Variants in RAD9A observed in about 807,000 individuals in gnomAD.
The protein encoded by RAD9A is RAD9 checkpoint clamp component A.
A neutral mutation model predicts 41.2 loss-of-function variants in RAD9A; 25 were observed. The ratio of observed to expected loss-of-function variants is 0.61; its 90% CI spans 0.44 to 0.85. The LOEUF (loss-of-function observed/expected upper bound fraction) is 0.85, where lower values mean the gene tolerates loss of function less well. RAD9A is among the 40% of genes least tolerant of loss of function. The pLI is 0.00. For missense variants in RAD9A, 514 were observed against 518.3 expected (o/e 0.99, Z 0.08); for synonymous variants, 252 against 210.6 (o/e 1.20, Z -1.70).
At chr11:67,395,361 G>A (rs1010711770) in intron 5 of RAD9A, 29 of 267,822 alleles carry the variant, frequency 1.1e-4, no homozygotes, top group Admixed American at 2.5e-4. Context: ...CGCAGCTCCC[G>A]TCCCCACTTG....
chr11:67,397,563 A>G lies in RAD9A; in HGVS notation c.*4A>G, dbSNP rs1862751199. On this transcript the variant is annotated 3_prime_UTR_variant, in exon 11 of 11. Coordinates refer to ENST00000307980, the MANE Select transcript of RAD9A (RefSeq NM_004584.3). ...AGACAGTGAGGGTGAAGGCTGAACC[A>G]AGAACCTGAAGCCTGTACCCAGAGG... is the stretch of plus-strand genomic sequence containing the variant. 8 of 1,590,246 alleles carry G rather than the reference A, an allele frequency of 5.0e-6. No individual in the cohort carries two copies. The highest frequency in any genetic ancestry group is 6.9e-6 in the Non-Finnish European group (8 of 1,160,806).
chr11:67,392,145 G>T lies in RAD9A; in HGVS notation c.35-16G>T. 6.2e-7 allele frequency: 1 copy of T among 1,611,476 alleles called. No individual in the cohort carries two copies. ...GGAGCCGCCAGCCTAACCCCCTTCC[G>T]CTCTTCTCCCCGCAGTGCTCGGCAA... On this transcript the variant is annotated splice_polypyrimidine_tract_variant and intron_variant, in intron 1 of 10. Transcript: ENST00000307980.
At chr11:67,394,507 G>T (rs1862622911) in intron 5 of RAD9A, among the ~76,000 whole-genome samples, 1 of 152,190 alleles carries the variant, frequency 6.6e-6, no homozygotes, top group Non-Finnish European at 1.5e-5. Flanking sequence ...GGTGACTGAA[G>T]ATCCCTTTGG....
At position 67,392,078 on chromosome 11, in the gene RAD9A, G is replaced by T; in HGVS notation, c.34G>T (p.Val12Leu). 6.3e-7 allele frequency: 1 copy of T among 1,594,476 alleles called. No individual in the cohort carries two copies. Among genetic ancestry groups the T allele is most frequent in the Non-Finnish European group, 8.5e-7 (1 of 1,171,984 alleles). ...CCTGGTCACGGGCGGCAACGTGAAG[G>T]GTGAGTGCAGGTCGGCCTGGCAGCG... ...KCLVTGGNVK[V>L]LGKAVHSLSR... Residue 12 changes from valine (V) to leucine (L), a missense_variant and splice_region_variant, in exon 1 of 11, where the codon GTG becomes TTG. Val to Leu is a conservative substitution (Grantham distance 32, BLOSUM62 1). Coordinates refer to ENST00000307980, the MANE Select transcript of RAD9A (RefSeq NM_004584.3).
chr11:67,393,824 GTC>G lies in RAD9A; in HGVS notation c.449+42_449+43del, dbSNP rs757841689. On this transcript the variant is annotated intron_variant, in intron 5 of 10. Transcript: ENST00000307980. ...ACCCCTGCCCTCAGCTCAGCCCCGG[GTC>G]TCTCTCTTCCTTCTTTGGGGCCCCA... The G allele has an allele frequency of 5.3e-6, 8 of 1,515,096 alleles. No individual in the cohort carries two copies. The South Asian group carries it at 8.6e-5, about 16-fold the overall frequency. 93.9% of individuals were successfully genotyped at this position (1,515,096 alleles called of 1,614,324 possible). A position where few individuals can be genotyped will look rare whatever the true frequency, so the allele number is the denominator to read the frequency against.
intron 10 of RAD9A, 25 bp downstream of exon 10, chr11:67,397,411 G>A: frequency 6.3e-7 from 1 of 1,589,064 alleles, no homozygotes; most frequent in Middle Eastern, 1.7e-4. Context: ...TGGAGGCAGG[G>A]GTGGGAGGTA....
chr11:67,394,121 A>C (rs1417193028), intron 5 of RAD9A, among the ~76,000 whole-genome samples: 1 of 152,152 alleles, frequency 6.6e-6, no homozygotes, highest in Non-Finnish European at 1.5e-5. Context: ...CCTGCCACCA[A>C]ATCTCTTGTC....
Position 67,397,707 on chromosome 11 carries a change from T to C in RAD9A, c.*148T>C. On this transcript the variant is annotated 3_prime_UTR_variant, in exon 11 of 11. Coordinates refer to ENST00000307980, the MANE Select transcript of RAD9A (RefSeq NM_004584.3). ...CTGCCTCTCGCAGGCCCCAGCTGGC[T>C]GTCACTGTAAAGCTGTCCCACAGCG... 2.7e-6 allele frequency: 2 copies of C among 744,258 alleles called. No individual in the cohort carries two copies. Among genetic ancestry groups the C allele is most frequent in the Non-Finnish European group, 4.3e-6 (2 of 465,068 alleles). The allele number at this position is 744,258 out of a possible 1,614,324, so 46.1% of individuals were successfully genotyped here. A position where few individuals can be genotyped will look rare whatever the true frequency, so the allele number is the denominator to read the frequency against.
chr11:67,393,439 A>G, intron 3 of RAD9A, 57 bp from the exon 4 acceptor site: 13 of 1,597,704 alleles, frequency 8.1e-6, no homozygotes, highest in Non-Finnish European at 1.1e-5. Flanking sequence ...CCTGCATGGG[A>G]CAGGAGAGCT....
At position 67,397,898 on chromosome 11, in the gene RAD9A, G is replaced by GA; in HGVS notation, c.*343dup. 1 of 291,734 alleles carries GA rather than the reference G, an allele frequency of 3.4e-6. No individual in the cohort carries two copies. The highest frequency in any genetic ancestry group is 6.4e-6 in the Non-Finnish European group (1 of 155,566). 18.1% of individuals were successfully genotyped at this position (291,734 alleles called of 1,614,324 possible). A position where few individuals can be genotyped will look rare whatever the true frequency, so the allele number is the denominator to read the frequency against. ...TCTCCCTCAGGCTCACCTTCCTAAG[G>GA]AAAATGTCATAGTAGGTGCTGCTGG... On this transcript the variant is annotated 3_prime_UTR_variant, in exon 11 of 11. Transcript: ENST00000307980.
chr11:67,398,143 C>G lies in RAD9A; in HGVS notation c.*584C>G, dbSNP rs1400702063. ...TCCCAAGCGGCTCTGTGCAGAAGAG[C>G]TGCCAGGCAGTGTCTTAGATGTGAG... On this transcript the variant is annotated 3_prime_UTR_variant, in exon 11 of 11. Coordinates refer to ENST00000307980, the MANE Select transcript of RAD9A (RefSeq NM_004584.3). 3.9e-6 allele frequency: 1 copy of G among 253,336 alleles called. No homozygotes were observed. The highest frequency in any genetic ancestry group is 7.7e-6 in the Non-Finnish European group (1 of 129,972). The allele number at this position is 253,336 out of a possible 1,614,324, so 15.7% of individuals were successfully genotyped here.
intron 3 of RAD9A, 178 bp downstream of exon 3, chr11:67,392,960 G>C: frequency 2.1e-6 from 2 of 964,196 alleles, no homozygotes; most frequent in African/African-American, 1.7e-5. Flanking sequence ...TGAGAGGGTG[G>C]TGACGCTCAA....
Position 67,396,332 on chromosome 11 carries a change from C to A in RAD9A, c.804C>A (p.Thr268=). ...GHFVLATLSD[T]DSHSQDLGSP... ...TTGTCTTGGCCACACTCTCAGACAC[C>A]GACTCGCACTCCCAGGACCTGGGCT... is the stretch of plus-strand genomic sequence containing the variant. The change falls in exon 9 of 11, where the codon ACC becomes ACA. Residue 268 remains threonine, a synonymous_variant. Coordinates refer to ENST00000307980, the MANE Select transcript of RAD9A (RefSeq NM_004584.3). The A allele has an allele frequency of 6.2e-7, 1 of 1,614,010 alleles. No homozygotes were observed. The highest frequency in any genetic ancestry group is 1.1e-5 in the South Asian group (1 of 91,076).
rs751752754 is a variant in RAD9A, at chr11:67,393,515, G to A, written c.254G>A (p.Arg85His). ...ILMKSFLSVF[R>H]SLAMLEKTVE... is the part of the protein sequence containing the mutation. ...ATGCAGTCTTTCCTGTCTGTCTTCCGCTCACTGGCGATGCTGGAGAAGACG... is the reference window on the plus strand; with the variant it reads ...ATGCAGTCTTTCCTGTCTGTCTTCCACTCACTGGCGATGCTGGAGAAGACG... The change falls in exon 4 of 11, where the codon CGC (arginine) becomes CAC (histidine). Residue 85 changes from arginine (R) to histidine (H), a missense_variant. Transcript: ENST00000307980. 4.3e-6 allele frequency: 7 copies of A among 1,614,116 alleles called. No homozygotes were observed. Among genetic ancestry groups the A allele is most frequent in the East Asian group, 2.2e-5 (1 of 44,868 alleles).
At position 67,392,225 on chromosome 11, in the gene RAD9A, G is replaced by A. The variant is rs1428837105; in HGVS notation, c.99G>A (p.Glu33=). ...ACGAGCTCTACCTGGAACCCTTGGA[G>A]GACGGGGTGAGGGGCTAGGGTGTGG... The part of the protein sequence containing the change: ...IGDELYLEPL[E]DGLSLRTVNS... Residue 33 remains glutamate (E), a synonymous_variant, in exon 2 of 11, where the codon GAG becomes GAA. Transcript: ENST00000307980. The A allele has an allele frequency of 1.2e-6, 2 of 1,604,590 alleles. No homozygotes were observed. The highest frequency in any genetic ancestry group is 1.7e-6 in the Non-Finnish European group (2 of 1,174,594).
In RAD9A at chr11:67,392,231, G is replaced by A. The variant is rs769824143; in HGVS notation, c.105G>A (p.Gly35=). The A allele has an allele frequency of 1.2e-6, 2 of 1,600,300 alleles. No individual in the cohort carries two copies. Among genetic ancestry groups the A allele is most frequent in the South Asian group, 1.1e-5 (1 of 90,066 alleles). The change falls in exon 2 of 11, where the codon GGG becomes GGA. Residue 35 remains glycine, a splice_region_variant and synonymous_variant. Coordinates refer to ENST00000307980, the MANE Select transcript of RAD9A (RefSeq NM_004584.3). ...TCTACCTGGAACCCTTGGAGGACGG[G>A]GTGAGGGGCTAGGGTGTGGGGGGCG... ...DELYLEPLED[G]LSLRTVNSSR...
chr11:67,392,239 G>C lies in RAD9A; in HGVS notation c.105+8G>C. On this transcript the variant is annotated splice_region_variant and intron_variant, in intron 2 of 10. Coordinates refer to ENST00000307980, the MANE Select transcript of RAD9A (RefSeq NM_004584.3). The stretch of plus-strand genomic sequence containing the variant: ...GAACCCTTGGAGGACGGGGTGAGGG[G>C]CTAGGGTGTGGGGGGCGGGTGGGAC... The C allele has an allele frequency of 7.3e-7, 1 of 1,361,970 alleles. No individual in the cohort carries two copies. Among genetic ancestry groups the C allele is most frequent in the Non-Finnish European group, 1.0e-6 (1 of 969,466 alleles). 84.4% of individuals were successfully genotyped at this position (1,361,970 alleles called of 1,614,324 possible).
intron 9 of RAD9A, among the ~76,000 whole-genome samples, chr11:67,396,711 G>A (rs1328825717): frequency 6.6e-6 from 1 of 152,210 alleles, no homozygotes; most frequent in Admixed American, 6.5e-5. Context: ...CTGCTGGGAG[G>A]CAGGAGCTGC....
chr11:67,392,908 A>G (rs1326465294), intron 3 of RAD9A, 126 bp downstream of exon 3: 3 of 1,290,372 alleles, frequency 2.3e-6, no homozygotes, highest in Non-Finnish European at 3.2e-6. Context: ...AATCCATGCA[A>G]AACACAGGGA....
Sources: gnomAD v4.1 joint callset for allele counts (sites outside exome capture counted in the v4.1 genomes callset) on GRCh38, gnomAD v4.1.1 for gene constraint, MANE v1.5 for transcripts, NCBI Gene and HGNC (gene_info 2026-07-23, HGNC 2026-07-21) for gene names.